Variants in CSMD1 observed in about 807,000 individuals in gnomAD.
The protein encoded by CSMD1 is CUB and sushi domain-containing protein 1.
Under a neutral mutation model 417.5 loss-of-function variants are expected in CSMD1, and 213 were observed. The observed-to-expected ratio is 0.51, with a 90% CI of 0.46 to 0.57. The LOEUF is 0.57. CSMD1 is among the 20% of genes least tolerant of loss of function. The pLI is 0.00. For synonymous variants in CSMD1, 2,862 were observed against 1,736.8 expected, an observed-to-expected ratio of 1.65 and a Z score of -16.11; for missense variants, 6,923 against 4,529.7, an observed-to-expected ratio of 1.53 and a Z score of -15.17.
At chr8:4,249,242 C>A (rs547100263) in intron 3 of CSMD1, among the ~76,000 whole-genome samples, 1 of 152,244 alleles carries the variant, frequency 6.6e-6, no homozygotes, top group African/African-American at 2.4e-5. Flanking sequence ...TAGAAAAGGG[C>A]AAACATTTCT....
chr8:4,384,678 A>G (rs1803328558), intron 3 of CSMD1, among the ~76,000 whole-genome samples: 1 of 152,184 alleles, frequency 6.6e-6, no homozygotes, highest in East Asian at 1.9e-4. Flanking sequence ...TTAAGTAGCA[A>G]CAGACACGAG....
rs34107189 is a variant in CSMD1, at chr8:4,476,742, A to ACCTCC, written c.303-56682_303-56678dup. ...TATGAATAGCTTTCTTAATTTCTAT[A>ACCTCC]CCTCCGTTTGTTCATATGTAAGGAT... On this transcript the variant is annotated intron_variant, in intron 2 of 69. Transcript: ENST00000635120. Among the ~76,000 whole-genome samples, 3 of 152,168 alleles carry ACCTCC rather than the reference A, an allele frequency of 2.0e-5. No individual in the cohort carries two copies. The East Asian group carries it at 5.8e-4, about 29-fold the overall frequency.
intron 7 of CSMD1, among the ~76,000 whole-genome samples, chr8:3,700,986 G>C (rs1328654449): frequency 1.3e-5 from 2 of 151,312 alleles, no homozygotes; most frequent in East Asian, 3.9e-4. Context: ...ACAGGTGAGG[G>C]GCGACGGTGG....
At chr8:4,238,211 C>T (rs1423009924) in intron 3 of CSMD1, among the ~76,000 whole-genome samples, 1 of 152,164 alleles carries the variant, frequency 6.6e-6, no homozygotes, top group African/African-American at 2.4e-5. Context: ...CACACTCCCA[C>T]CCTATAAAAT....
intron 3 of CSMD1, among the ~76,000 whole-genome samples, chr8:4,059,865 C>T (rs927331435): frequency 1.3e-5 from 2 of 149,650 alleles, no homozygotes; most frequent in African/African-American, 4.9e-5. Flanking sequence ...ACCAGAGGTA[C>T]AAGGAGGAAC....
chr8:4,225,645 G>A (rs1453703580), intron 3 of CSMD1, among the ~76,000 whole-genome samples: 1 of 151,948 alleles, frequency 6.6e-6, no homozygotes, highest in Non-Finnish European at 1.5e-5. Flanking sequence ...ATCATAACCA[G>A]AGAAATTAAA....
chr8:4,095,644 C>T (rs542121795), intron 3 of CSMD1, among the ~76,000 whole-genome samples: 14 of 152,252 alleles, frequency 9.2e-5, no homozygotes, highest in African/African-American at 2.9e-4. Flanking sequence ...GAAGAGAAAA[C>T]ATCCACATTC....
intron 10 of CSMD1, among the ~76,000 whole-genome samples, chr8:3,562,417 A>C (rs13273781): frequency 1.7e-3 from 248 of 145,378 alleles, no homozygotes; most frequent in Admixed American, 3.7e-3. Context: ...CACATGCACA[A>C]ACACACATGC....
At chr8:4,807,655 C>T (rs78840285) in intron 1 of CSMD1, among the ~76,000 whole-genome samples, 9,314 of 152,174 alleles carry the variant, frequency 0.061, 469 homozygotes, top group East Asian at 0.23. Flanking sequence ...TAATACTGTA[C>T]ATGCACACGT....
Position 3,343,426 on chromosome 8 carries a change from A to C in CSMD1, c.3499T>G (p.Ser1167Ala), listed in dbSNP as rs779276529. Residue 1167 changes from serine to alanine, a missense_variant, in exon 23 of 70, where the codon TCA becomes GCA. By Grantham distance (99) the Ser-to-Ala change is moderately conservative. Coordinates refer to ENST00000635120, the MANE Select transcript of CSMD1 (RefSeq NM_033225.6). ...LKVYDGKDSS[S>A]RPLGTFTKNE... ...TTAGTGAACGTGCCCAGTGGACGTG[A>C]GGAACTGTCTTTTCCATCATATACC... 9 of 1,613,662 alleles carry C rather than the reference A, an allele frequency of 5.6e-6. No individual in the cohort carries two copies. In the South Asian group the frequency reaches 8.8e-5, roughly 16 times the overall value.
intron 17 of CSMD1, among the ~76,000 whole-genome samples, chr8:3,389,330 A>G (rs1811207183): frequency 6.6e-6 from 1 of 152,006 alleles, no homozygotes; most frequent in South Asian, 2.1e-4. Flanking sequence ...ATGTGTTTTC[A>G]TCATTTAGCT....
chr8:4,516,294 C>T (rs1309719226), intron 2 of CSMD1, among the ~76,000 whole-genome samples: 1 of 152,168 alleles, frequency 6.6e-6, no homozygotes, highest in East Asian at 1.9e-4. Flanking sequence ...ACCCCACTGA[C>T]ACCGTGATCT....
Position 2,978,625 on chromosome 8 carries a change from C to G in CSMD1, c.8553G>C (p.Leu2851=). Residue 2851 remains leucine (L), a synonymous_variant, in exon 55 of 70, where the codon CTG becomes CTC. Coordinates refer to ENST00000635120, the MANE Select transcript of CSMD1 (RefSeq NM_033225.6). ...ACCCTGACTTACCCAAACACTTGGG[C>G]AGGGATCGGTCCCATAAGCCATTTG... ...CMANGLWDRS[L]PKCLAISCGH... The G allele has an allele frequency of 6.3e-7, 1 of 1,591,558 alleles. No individual in the cohort carries two copies. The highest frequency in any genetic ancestry group is 2.3e-5 in the East Asian group (1 of 44,112).
intron 3 of CSMD1, among the ~76,000 whole-genome samples, chr8:4,316,856 G>C (rs891039387): frequency 6.6e-6 from 1 of 152,098 alleles, no homozygotes; most frequent in African/African-American, 2.4e-5. Context: ...GCTTCTATTA[G>C]TGATGTTTTG....
intron 3 of CSMD1, among the ~76,000 whole-genome samples, chr8:4,236,042 T>TG (rs1351518135): frequency 2.3e-4 from 8 of 34,544 alleles, no homozygotes; most frequent in African/African-American, 5.6e-4. Context: ...TTTGTTTGTT[T>TG]TTTTTTTTTT....
chr8:3,593,524 G>A (rs890838244), intron 8 of CSMD1, among the ~76,000 whole-genome samples: 3 of 152,136 alleles, frequency 2.0e-5, no homozygotes, highest in South Asian at 2.1e-4. Context: ...TCCACAGCCC[G>A]GGCCCTTAAC....
At chr8:3,237,362 G>C (rs1221744811) in intron 26 of CSMD1, among the ~76,000 whole-genome samples, 1 of 151,728 alleles carries the variant, frequency 6.6e-6, no homozygotes. Flanking sequence ...AGCTACTCGG[G>C]AGGCTGAGGC....
At chr8:3,507,224 CCTATA>C (rs1175582988) in intron 10 of CSMD1, among the ~76,000 whole-genome samples, 1 of 152,082 alleles carries the variant, frequency 6.6e-6, no homozygotes, top group East Asian at 1.9e-4. Context: ...CATTAGGTAA[CCTATA>C]CAATATTTTT....
intron 1 of CSMD1, among the ~76,000 whole-genome samples, chr8:4,989,934 C>A (rs1811374881): frequency 6.6e-6 from 1 of 152,120 alleles, no homozygotes; most frequent in African/African-American, 2.4e-5. Context: ...GGAAGCATTG[C>A]CCCCGGGAGG....
Sources: gnomAD v4.1 joint callset for allele counts (sites outside exome capture counted in the v4.1 genomes callset) on GRCh38, gnomAD v4.1.1 for gene constraint, MANE v1.5 for transcripts, NCBI Gene and HGNC (gene_info 2026-07-23, HGNC 2026-07-21) for gene names.